Variants in CHODL observed in about 807,000 individuals in gnomAD.
CHODL encodes transmembrane protein MT75.
CHODL carries 29 observed loss-of-function variants against 34.5 expected under a neutral mutation model. That is an observed-to-expected ratio of 0.84 (90% CI 0.63 to 1.15). CHODL has a LOEUF of 1.15. Ranked by LOEUF, CHODL falls within the 50% of genes most tolerant of loss-of-function variation. The pLI is 0.00. For synonymous variants in CHODL, 125 were observed against 116.1 expected (o/e 1.08, Z -0.49); for missense variants, 332 against 332.5 (o/e 1.00, Z 0.01).
At chr21:18,227,102 A>T (rs59995808) in intron 2 of CHODL, among the ~76,000 whole-genome samples, 1 of 152,068 alleles carries the variant, frequency 6.6e-6, no homozygotes, top group African/African-American at 2.4e-5. Context: ...GTGTCCTCAC[A>T]TAGTGGAAGG....
chr21:17,983,976 C>G (rs2063734210), intron 1 of CHODL, among the ~76,000 whole-genome samples: 1 of 152,058 alleles, frequency 6.6e-6, no homozygotes, highest in Non-Finnish European at 1.5e-5. Flanking sequence ...TTAAGTTGCA[C>G]AAGTCTGGAT....
chr21:18,163,165 A>T, intron 2 of CHODL, among the ~76,000 whole-genome samples: 1 of 152,232 alleles, frequency 6.6e-6, no homozygotes, highest in Non-Finnish European at 1.5e-5. Context: ...ACATATATGT[A>T]AGTGAATATT....
At chr21:18,146,790 T>C (rs1661910081) in intron 2 of CHODL, among the ~76,000 whole-genome samples, 1 of 152,228 alleles carries the variant, frequency 6.6e-6, no homozygotes, top group Non-Finnish European at 1.5e-5. Context: ...TTGTAACCAG[T>C]ATTGTAAAGA....
At chr21:18,009,262 A>G (rs936118945) in intron 1 of CHODL, among the ~76,000 whole-genome samples, 2 of 152,176 alleles carry the variant, frequency 1.3e-5, no homozygotes, top group Admixed American at 6.5e-5. Context: ...GTTGTATTAT[A>G]TGTGTGGTGA....
intron 2 of CHODL, among the ~76,000 whole-genome samples, chr21:18,189,375 T>C (rs1198034590): frequency 6.6e-6 from 1 of 152,216 alleles, no homozygotes; most frequent in South Asian, 2.1e-4. Context: ...GTATGCCATA[T>C]GTTGTTTGTG....
At chr21:18,078,538 A>AC (rs1278980750) in intron 2 of CHODL, among the ~76,000 whole-genome samples, 1 of 152,158 alleles carries the variant, frequency 6.6e-6, no homozygotes, top group African/African-American at 2.4e-5. Flanking sequence ...CAGTTAACAG[A>AC]TATTATTGCA....
At chr21:18,098,339 T>C (rs1213426371) in intron 2 of CHODL, among the ~76,000 whole-genome samples, 1 of 151,672 alleles carries the variant, frequency 6.6e-6, no homozygotes, top group African/African-American at 2.4e-5. Context: ...CCAGAATATA[T>C]AGGGGCCTCA....
rs557559135 is a variant in CHODL at position 17,993,617 on chromosome 21, T to C, written c.-144-34255T>C. Among the ~76,000 whole-genome samples the C allele has an allele frequency of 6.6e-5, 10 of 152,358 alleles. No homozygotes were observed. The South Asian group carries it at 1.4e-3, about 22-fold the overall frequency. On this transcript the variant is annotated intron_variant, in intron 1 of 6. Transcript: ENST00000400127. ...CACATTTTCTTTATCCAGTCTATCA[T>C]TGATGGGCATTTAGGTTCATTCTAT...
intron 2 of CHODL, among the ~76,000 whole-genome samples, chr21:18,162,761 A>G (rs1026716361): frequency 6.6e-6 from 1 of 152,116 alleles, no homozygotes; most frequent in Non-Finnish European, 1.5e-5. Context: ...TATTACATTA[A>G]TGCAACTTGT....
At chr21:18,071,359 C>T (rs953782536) in intron 2 of CHODL, among the ~76,000 whole-genome samples, 1 of 151,906 alleles carries the variant, frequency 6.6e-6, no homozygotes, top group African/African-American at 2.4e-5. Context: ...GGTGGCCAGG[C>T]TGGTCTCGAA....
upstream of CHODL, among the ~76,000 whole-genome samples, chr21:18,241,598 C>G (rs2074082972): frequency 6.6e-6 from 1 of 152,092 alleles, no homozygotes. Flanking sequence ...ATGTGAAGAG[C>G]CACTGAGTGC....
intron 2 of CHODL, among the ~76,000 whole-genome samples, chr21:18,219,874 T>C (rs958213985): frequency 2.0e-5 from 3 of 152,168 alleles, no homozygotes; most frequent in African/African-American, 7.2e-5. Flanking sequence ...TCTCCCATTC[T>C]GTAAGTTGTC....
intron 2 of CHODL, among the ~76,000 whole-genome samples, chr21:18,049,200 A>G (rs981863608): frequency 3.3e-5 from 5 of 151,966 alleles, no homozygotes; most frequent in Admixed American, 3.3e-4. Flanking sequence ...GAATGAGGGA[A>G]GCTGCTGTGA....
intron 2 of CHODL, among the ~76,000 whole-genome samples, chr21:18,145,756 A>T (rs2072877422): frequency 6.6e-6 from 1 of 152,196 alleles, no homozygotes; most frequent in Non-Finnish European, 1.5e-5. Context: ...AGGGACAAAG[A>T]AACCAGATTA....
chr21:18,229,217 T>C (rs1224798802), intron 2 of CHODL, among the ~76,000 whole-genome samples: 2 of 152,196 alleles, frequency 1.3e-5, no homozygotes, highest in African/African-American at 4.8e-5. Flanking sequence ...CCTTCTTATA[T>C]GTGCAGATTG....
chr21:18,014,353 A>G (rs158064), intron 1 of CHODL, among the ~76,000 whole-genome samples: 5,517 of 152,344 alleles, frequency 0.036, 283 homozygotes, highest in African/African-American at 0.11. Context: ...TGGAGGCCAC[A>G]GTCCTAAGTG....
At chr21:17,926,762 C>T (rs978252903) in intron 1 of CHODL, among the ~76,000 whole-genome samples, 11 of 152,042 alleles carry the variant, frequency 7.2e-5, no homozygotes, top group African/African-American at 2.2e-4. Flanking sequence ...GGGACACAGC[C>T]AAACCATATC....
chr21:18,134,932 C>A (rs1276703264), intron 2 of CHODL, among the ~76,000 whole-genome samples: 2 of 152,166 alleles, frequency 1.3e-5, no homozygotes, highest in Non-Finnish European at 2.9e-5. Context: ...GGTGAAAGTT[C>A]ATATAAAAAA....
At chr21:17,992,743 T>TC (rs67033737) in intron 1 of CHODL, among the ~76,000 whole-genome samples, 2 of 50,120 alleles carry the variant, frequency 4.0e-5, no homozygotes, top group Non-Finnish European at 1.1e-4. Flanking sequence ...TTTTTTTTTT[T>TC]CCAGACAGAG....
Sources: gnomAD v4.1 joint callset for allele counts (sites outside exome capture counted in the v4.1 genomes callset) on GRCh38, gnomAD v4.1.1 for gene constraint, MANE v1.5 for transcripts, NCBI Gene and HGNC (gene_info 2026-07-23, HGNC 2026-07-21) for gene names.